Variants in TLE4 observed in about 807,000 individuals in gnomAD.
The protein encoded by TLE4 is TLE family member 4, transcriptional corepressor, also known as transducin-like enhancer protein 4.
A neutral mutation model predicts 92.8 loss-of-function variants in TLE4; 8 were observed. The ratio of observed to expected loss-of-function variants is 0.09; its 90% CI spans 0.05 to 0.16. TLE4 has a LOEUF of 0.16. Among genes scored for constraint, TLE4 ranks in the 10% least tolerant of loss-of-function variants. The pLI is 1.00. For synonymous variants in TLE4, 371 were observed against 374.1 expected, an observed-to-expected ratio of 0.99 and a Z score of 0.10; for missense variants, 675 against 997.6, an observed-to-expected ratio of 0.68 and a Z score of 4.36.
chr9:79,653,645 T>G (rs1475702172), intron 7 of TLE4, among the ~76,000 whole-genome samples: 1 of 152,244 alleles, frequency 6.6e-6, no homozygotes, highest in Non-Finnish European at 1.5e-5. Flanking sequence ...ATACCCCTGT[T>G]TCAGCATCCT....
chr9:79,627,821 GT>G, intron 6 of TLE4: 1 of 193,088 alleles, frequency 5.2e-6, no homozygotes. Context: ...ATCATGTAGA[GT>G]ATCTTACTAT....
intron 8 of TLE4, among the ~76,000 whole-genome samples, chr9:79,660,022 C>T (rs563069397): frequency 6.6e-6 from 1 of 152,228 alleles, no homozygotes; most frequent in Non-Finnish European, 1.5e-5. Context: ...TACAGACAAA[C>T]CTAGATTTCA....
intron 14 of TLE4, among the ~76,000 whole-genome samples, chr9:79,716,232 T>G (rs1267377401): frequency 6.6e-6 from 1 of 152,330 alleles, no homozygotes; most frequent in African/African-American, 2.4e-5. Context: ...TCTGGCCTCC[T>G]TGCTTCGTTC....
Position 79,706,829 on chromosome 9 carries a change from C to T in TLE4, c.866C>T (p.Ala289Val). The T allele has an allele frequency of 6.2e-7, 1 of 1,614,180 alleles. No individual in the cohort carries two copies. The highest frequency in any genetic ancestry group is 8.5e-7 in the Non-Finnish European group (1 of 1,180,042). The change falls in exon 11 of 20, where the codon GCC (alanine) becomes GTC (valine). Residue 289 changes from alanine to valine, a missense_variant. By Grantham distance (64) the Ala-to-Val change is moderately conservative. Around this residue, in one of 5 missense-constraint regions of TLE4, gnomAD observed 280 missense variants for 287.3 expected, o/e 0.97. Coordinates refer to ENST00000376552, the MANE Select transcript of TLE4 (RefSeq NM_007005.6). Reference sequence around the variant, plus strand: ...AAGACACGCCTGCTCAAGAAAGATGCCCCGATTAGTCCAGCCTCTATTGCA... The same window carrying T: ...AAGACACGCCTGCTCAAGAAAGATGTCCCGATTAGTCCAGCCTCTATTGCA... ...LDKTRLLKKD[A>V]PISPASIASS...
intron 8 of TLE4, among the ~76,000 whole-genome samples, chr9:79,675,873 T>C (rs1414747120): frequency 1.3e-5 from 2 of 152,150 alleles, no homozygotes; most frequent in African/African-American, 4.8e-5. Context: ...TTTGGGAATA[T>C]TTGCATTATA....
At chr9:79,601,864 A>G (rs370080479) in intron 4 of TLE4, among the ~76,000 whole-genome samples, 5 of 152,352 alleles carry the variant, frequency 3.3e-5, no homozygotes, top group African/African-American at 1.2e-4. Context: ...GTCGAAAGCC[A>G]ATGAGCCAAA....
At position 79,663,831 on chromosome 9, in the gene TLE4, G is replaced by A. The variant is rs931093229; in HGVS notation, c.609+9756G>A. 5.9e-5 allele frequency among the ~76,000 whole-genome samples: 9 copies of A among 152,114 alleles called. No individual in the cohort carries two copies. The East Asian group carries it at 1.7e-3, about 29-fold the overall frequency. On this transcript the variant is annotated intron_variant, in intron 8 of 19. Coordinates refer to ENST00000376552, the MANE Select transcript of TLE4 (RefSeq NM_007005.6). Reference sequence around the variant, plus strand: ...GAGTGCTTGAAAGCTATGCATAAGGGTGCTCTTTATAATACTCAGAAGGTT... The same window carrying A: ...GAGTGCTTGAAAGCTATGCATAAGGATGCTCTTTATAATACTCAGAAGGTT...
intron 8 of TLE4, among the ~76,000 whole-genome samples, chr9:79,678,461 T>G (rs1477687513): frequency 2.0e-5 from 3 of 152,098 alleles, no homozygotes; most frequent in Non-Finnish European, 4.4e-5. Context: ...CTATCAATAA[T>G]TCTTAAAATA....
intron 8 of TLE4, among the ~76,000 whole-genome samples, chr9:79,659,116 C>T (rs2060172290): frequency 6.6e-6 from 1 of 152,176 alleles, no homozygotes; most frequent in Non-Finnish European, 1.5e-5. Context: ...TTATTTCATA[C>T]ATGAGGAAAG....
chr9:79,665,933 G>T (rs368256269), intron 8 of TLE4, among the ~76,000 whole-genome samples: 2 of 152,142 alleles, frequency 1.3e-5, no homozygotes, highest in African/African-American at 4.8e-5. Flanking sequence ...CAGTTAACAC[G>T]GATTATTAGA....
chr9:79,586,991 T>C (rs918646025), intron 4 of TLE4, among the ~76,000 whole-genome samples: 1 of 152,196 alleles, frequency 6.6e-6, no homozygotes, highest in Non-Finnish European at 1.5e-5. Flanking sequence ...TTTAGTTACT[T>C]TTAAATGTAC....
intron 14 of TLE4, among the ~76,000 whole-genome samples, chr9:79,716,247 C>G (rs2074476044): frequency 6.6e-6 from 1 of 152,200 alleles, no homozygotes; most frequent in Non-Finnish European, 1.5e-5. Context: ...TCGTTCTGGT[C>G]TCAAGGCCTT....
intron 4 of TLE4, among the ~76,000 whole-genome samples, chr9:79,583,527 C>T (rs2040265246): frequency 6.6e-6 from 1 of 152,176 alleles, no homozygotes; most frequent in African/African-American, 2.4e-5. Flanking sequence ...CTTGGGACCT[C>T]TGCAGGGCCC....
chr9:79,624,638 T>C (rs2052003096), intron 5 of TLE4, among the ~76,000 whole-genome samples: 1 of 152,220 alleles, frequency 6.6e-6, no homozygotes, highest in South Asian at 2.1e-4. Flanking sequence ...GGCTCACTGG[T>C]GTGCGTTTCC....
intron 8 of TLE4, among the ~76,000 whole-genome samples, chr9:79,704,451 A>G (rs1197861970): frequency 2.0e-5 from 3 of 152,156 alleles, no homozygotes; most frequent in Non-Finnish European, 4.4e-5. Flanking sequence ...ACAGTACAAT[A>G]TATCCGTAAA....
At chr9:79,685,750 A>G (rs1045066153) in intron 8 of TLE4, among the ~76,000 whole-genome samples, 2 of 152,222 alleles carry the variant, frequency 1.3e-5, no homozygotes, top group African/African-American at 2.4e-5. Flanking sequence ...TTGGCAGGAT[A>G]TTAGTATGTA....
rs1167985259 is a variant in TLE4, at chr9:79,652,318, C to G, written c.391-275C>G. Among the ~76,000 whole-genome samples, 4 of 152,208 alleles carry G rather than the reference C, an allele frequency of 2.6e-5. No homozygotes were observed. In the South Asian group the frequency reaches 8.3e-4, roughly 32 times the overall value. On this transcript the variant is annotated intron_variant, in intron 6 of 19. Coordinates refer to ENST00000376552, the MANE Select transcript of TLE4 (RefSeq NM_007005.6). ...TCTCCTGCCTCAGCCTCCCCAGTAG[C>G]TGGGACTACAGGCACCAGCCACCAC...
At chr9:79,610,615 CTT>C (rs1051690908) in intron 4 of TLE4, among the ~76,000 whole-genome samples, 1 of 152,046 alleles carries the variant, frequency 6.6e-6, no homozygotes, top group African/African-American at 2.4e-5. Flanking sequence ...ATTAAGAAGT[CTT>C]TTAAACAAAA....
At chr9:79,575,433 TTA>T (rs2037437755) in intron 3 of TLE4, among the ~76,000 whole-genome samples, 1 of 152,194 alleles carries the variant, frequency 6.6e-6, no homozygotes. Flanking sequence ...TTTTTTCTCT[TTA>T]TGTTACTATT....
Sources: gnomAD v4.1 joint callset for allele counts (sites outside exome capture counted in the v4.1 genomes callset) on GRCh38, gnomAD v4.1.1 for gene constraint, gnomAD v4.1.1 regional missense constraint, MANE v1.5 for transcripts, NCBI Gene and HGNC (gene_info 2026-07-23, HGNC 2026-07-21) for gene names.